The following KDM4B variants were observed in gnomAD, a reference collection of about 807,000 sequenced individuals.
The protein encoded by KDM4B is lysine demethylase 4B.
KDM4B carries 32 observed loss-of-function variants against 125.2 expected under a neutral mutation model. That is an observed-to-expected ratio of 0.26 (90% CI 0.19 to 0.34). The LOEUF (loss-of-function observed/expected upper bound fraction) is 0.34. Among genes scored for constraint, KDM4B ranks in the 10% least tolerant of loss-of-function variants. The pLI is 1.00. For synonymous variants in KDM4B, 721 were observed against 677.9 expected, an observed-to-expected ratio of 1.06 and a Z score of -0.99; for missense variants, 1,190 against 1,577.7, an observed-to-expected ratio of 0.75 and a Z score of 4.16.
At chr19:5,056,894 AGT>A (rs2037416240) in intron 6 of KDM4B, among the ~76,000 whole-genome samples, 1 of 51,568 alleles carries the variant, frequency 1.9e-5, no homozygotes, top group African/African-American at 8.3e-5. Flanking sequence ...TGGGGCGGGG[AGT>A]CCTGGGGCGG....
rs1025297560 is a variant in KDM4B, at chr19:5,080,017, C to T, written c.781-2350C>T. On this transcript the variant is annotated intron_variant, in intron 8 of 22. Coordinates refer to ENST00000159111, the MANE Select transcript of KDM4B (RefSeq NM_015015.3). ...GCCCTTGGGGACCCCATGTCCTGCA[C>T]GGCGGGGGCCAGGCCCTGGGGCCAC... is the stretch of plus-strand genomic sequence containing the variant. Among the ~76,000 whole-genome samples the T allele has an allele frequency of 8.5e-5, 13 of 152,326 alleles. No individual in the cohort carries two copies. In the South Asian group the frequency reaches 2.1e-3, roughly 24 times the overall value.
At chr19:4,991,445 C>T (rs922698200) in intron 1 of KDM4B, among the ~76,000 whole-genome samples, 10 of 152,272 alleles carry the variant, frequency 6.6e-5, no homozygotes, top group East Asian at 5.8e-4. Context: ...GAGACCCTGT[C>T]GCTACAAAAG....
At chr19:5,116,676 G>C (rs561915718) in intron 10 of KDM4B, among the ~76,000 whole-genome samples, 1 of 152,340 alleles carries the variant, frequency 6.6e-6, no homozygotes. Context: ...AGGGAGCTCA[G>C]AGATACCAAG....
intron 2 of KDM4B, among the ~76,000 whole-genome samples, chr19:5,031,636 G>A (rs1464290726): frequency 6.6e-6 from 1 of 152,224 alleles, no homozygotes; most frequent in African/African-American, 2.4e-5. Context: ...CTGCAGGCAG[G>A]GTATGGGGTG....
In KDM4B at chr19:5,103,493, T is replaced by A. The variant is rs545649027; in HGVS notation, c.919-7129T>A. ...ATCGGGCTGTCGGACGCGTCAGTCT[T>A]CAGGGGCAGGTGACGGCCGCACTGC... is the stretch of plus-strand genomic sequence containing the variant. On this transcript the variant is annotated intron_variant, in intron 9 of 22. Coordinates refer to ENST00000159111, the MANE Select transcript of KDM4B (RefSeq NM_015015.3). Among the ~76,000 whole-genome samples, 4 of 152,292 alleles carry A rather than the reference T, an allele frequency of 2.6e-5. No individual in the cohort carries two copies. The South Asian group carries it at 8.3e-4, about 32-fold the overall frequency.
chr19:5,095,913 G>T (rs1199846278), intron 9 of KDM4B, among the ~76,000 whole-genome samples: 1 of 152,210 alleles, frequency 6.6e-6, no homozygotes, highest in Non-Finnish European at 1.5e-5. Context: ...CCAGTCTATA[G>T]AGTGGGTGCT....
At chr19:5,118,751 C>T (rs1187103652) in intron 10 of KDM4B, among the ~76,000 whole-genome samples, 1 of 152,232 alleles carries the variant, frequency 6.6e-6, no homozygotes, top group Non-Finnish European at 1.5e-5. Context: ...TAAGAAGTCT[C>T]AGCTCAGCCA....
chr19:5,052,858 C>T (rs1229878292), intron 6 of KDM4B, among the ~76,000 whole-genome samples: 2 of 152,244 alleles, frequency 1.3e-5, no homozygotes, highest in African/African-American at 4.8e-5. Flanking sequence ...ACCACTGGGA[C>T]TTCCAGCTTC....
At chr19:5,149,745 G>A (rs1419706726) in intron 21 of KDM4B, among the ~76,000 whole-genome samples, 4 of 152,254 alleles carry the variant, frequency 2.6e-5, no homozygotes, top group Non-Finnish European at 5.9e-5. Context: ...TGCTCCCAGT[G>A]CCCCTCACCA....
chr19:4,978,120 A>T (rs1394186356), intron 1 of KDM4B, among the ~76,000 whole-genome samples: 1 of 152,064 alleles, frequency 6.6e-6, no homozygotes, highest in African/African-American at 2.4e-5. Flanking sequence ...AAGCCTCTGG[A>T]ATTTCAACTC....
chr19:5,091,922 T>C (rs999560), intron 9 of KDM4B, among the ~76,000 whole-genome samples: 93,822 of 151,836 alleles, frequency 0.62, 29,283 homozygotes, highest in East Asian at 0.93. Context: ...CGCAAACTGC[T>C]GTGTGAAATA....
rs1226092918 is a variant in KDM4B, at chr19:5,081,557, C to T, written c.781-810C>T. 1.3e-5 allele frequency among the ~76,000 whole-genome samples: 2 copies of T among 152,142 alleles called. No individual in the cohort carries two copies. Among genetic ancestry groups the T allele is most frequent in the African/African-American group, 2.4e-5 (1 of 41,424 alleles). Reference sequence around the variant, plus strand: ...CACCCCAGCCACGCACGCCTCGGCTCCTCAGTTTAGGGGGTCCTGCTTCAG... The same window carrying T: ...CACCCCAGCCACGCACGCCTCGGCTTCTCAGTTTAGGGGGTCCTGCTTCAG... On this transcript the variant is annotated intron_variant, in intron 8 of 22. Transcript: ENST00000159111. The surrounding 1 kb of genome is among the most constrained non-coding windows in gnomAD (Gnocchi z 4.2).
At chr19:5,129,375 C>T (rs1160960174) in intron 11 of KDM4B, among the ~76,000 whole-genome samples, 4 of 152,070 alleles carry the variant, frequency 2.6e-5, no homozygotes, top group Admixed American at 2.6e-4. Context: ...TTGGGAGCCT[C>T]ATTGCTGAGG....
intron 1 of KDM4B, among the ~76,000 whole-genome samples, chr19:4,976,180 CAG>C (rs149803298): frequency 0.36 from 52,421 of 147,202 alleles, 9,887 homozygotes; most frequent in East Asian, 0.72. Context: ...ACCCTGGAGG[CAG>C]GGGTTGCAGT....
At chr19:5,126,903 G>A (rs767161743) in intron 11 of KDM4B, among the ~76,000 whole-genome samples, 5 of 152,230 alleles carry the variant, frequency 3.3e-5, no homozygotes, top group African/African-American at 7.2e-5. Flanking sequence ...AGTTGATCTC[G>A]GCAGCCTCGG....
At chr19:4,975,723 G>GGATTACAGGTGCATGCCAC (rs1399917448) in intron 1 of KDM4B, among the ~76,000 whole-genome samples, 4 of 151,574 alleles carry the variant, frequency 2.6e-5, no homozygotes, top group Admixed American at 6.6e-5. Flanking sequence ...CTCTTGAGTA[G>GGATTACAGGTGCATGCCAC]CTGGGATTAC....
intron 1 of KDM4B, among the ~76,000 whole-genome samples, chr19:4,977,475 T>C (rs2034487815): frequency 6.6e-6 from 1 of 152,200 alleles, no homozygotes. Context: ...GATTTCCCCC[T>C]GCATAGACCT....
At chr19:5,038,802 G>T (rs544679555) in intron 3 of KDM4B, among the ~76,000 whole-genome samples, 17 of 152,374 alleles carry the variant, frequency 1.1e-4, no homozygotes, top group African/African-American at 3.6e-4. Context: ...TCTGCACAGT[G>T]CCCAGCTCCG....
At chr19:4,994,851 A>G (rs1030259517) in intron 1 of KDM4B, among the ~76,000 whole-genome samples, 5 of 152,020 alleles carry the variant, frequency 3.3e-5, no homozygotes, top group African/African-American at 7.2e-5. Flanking sequence ...TTAGCACTAT[A>G]TTTTTGGAAG....
Sources: allele counts gnomAD v4.1 joint callset (sites outside exome capture counted in the v4.1 genomes callset), GRCh38; gene constraint gnomAD v4.1.1; non-coding constraint Gnocchi (gnomAD v3.1); transcripts MANE v1.5; gene names NCBI Gene and HGNC (gene_info 2026-07-23, HGNC 2026-07-21).